Variants in FBRSL1 observed in about 807,000 individuals in gnomAD.
FBRSL1 encodes the protein fibrosin like 1.
In FBRSL1, 51 loss-of-function variants were observed where a neutral mutation model predicts 89.6. That is an observed-to-expected ratio of 0.57 (90% confidence interval 0.45 to 0.72). The LOEUF (loss-of-function observed/expected upper bound fraction) is 0.72. Ranked by LOEUF, FBRSL1 falls within the 30% of genes least tolerant of loss-of-function variation. The pLI, the probability that FBRSL1 is intolerant of heterozygous loss-of-function variation, is 0.00. For missense variants in FBRSL1, 1,618 were observed against 1,451.8 expected (o/e 1.11, Z -1.86); for synonymous variants, 779 against 681.1 (o/e 1.14, Z -2.24).
intron 2 of FBRSL1, chr12:132,510,814 A>G: frequency 9.0e-7 from 1 of 1,113,234 alleles, no homozygotes; most frequent in Non-Finnish European, 1.1e-6. Flanking sequence ...GAGGGCGGGG[A>G]CCTTGCTGGG....
Position 132,583,034 on chromosome 12 carries a change from C to G in FBRSL1, c.2265C>G (p.Pro755=). The change falls in exon 19 of 19, where the codon CCC becomes CCG. Residue 755 remains proline (P), a synonymous_variant. Transcript: ENST00000680143. ...CGCCCGCCACCCCCGCTGGCCACCC[C>G]GTCAGCGGCCTCCTGCTCCGGGCCC... is the stretch of plus-strand genomic sequence containing the variant. The part of the protein sequence containing the change: ...RASPATPAGH[P]VSGLLLRAQS... 7.6e-6 allele frequency: 11 copies of G among 1,455,858 alleles called. No individual in the cohort carries two copies. The highest frequency in any genetic ancestry group is 5.3e-5 in the South Asian group (4 of 75,642). 90.2% of individuals were successfully genotyped at this position (1,455,858 alleles called of 1,614,324 possible). A position where few individuals can be genotyped will look rare whatever the true frequency, so the allele number is the denominator to read the frequency against.
At chr12:132,531,002 G>GA (rs1249000414) in intron 4 of FBRSL1, among the ~76,000 whole-genome samples, 1 of 150,554 alleles carries the variant, frequency 6.6e-6, no homozygotes, top group Non-Finnish European at 1.5e-5. Flanking sequence ...TGTGGGGGGG[G>GA]GGGTGCAGGT....
intron 1 of FBRSL1, among the ~76,000 whole-genome samples, chr12:132,498,051 C>A (rs578194071): frequency 6.6e-5 from 10 of 152,212 alleles, no homozygotes; most frequent in Admixed American, 3.3e-4. Flanking sequence ...GGGCCCGTCA[C>A]AGCCTGGCTG....
chr12:132,516,475 G>A lies in FBRSL1; in HGVS notation c.489+8125G>A, dbSNP rs116065600. ...GCTGGGAACAGGCGTGAACCACCAC[G>A]CCCGGCTTAGATAATCTGAAGAGTC... On this transcript the variant is annotated intron_variant, in intron 2 of 18. Coordinates refer to ENST00000680143, the MANE Select transcript of FBRSL1 (RefSeq NM_001367871.1). Among the ~76,000 whole-genome samples the A allele has an allele frequency of 5.6e-3, 848 of 152,262 alleles. 10 individuals are homozygous for A. The highest frequency in any genetic ancestry group is 0.019 in the African/African-American group (786 of 41,538).
chr12:132,557,448 G>A (rs1311965212), intron 5 of FBRSL1, among the ~76,000 whole-genome samples: 2 of 152,178 alleles, frequency 1.3e-5, no homozygotes, highest in African/African-American at 2.4e-5. Context: ...CTGGTTCTGA[G>A]TCTAGTTTCA....
At chr12:132,567,344 C>G in intron 5 of FBRSL1, 137 bp from the exon 6 acceptor site, 1 of 768,150 alleles carries the variant, frequency 1.3e-6, no homozygotes, top group Non-Finnish European at 2.2e-6. Flanking sequence ...TCACCTCGTA[C>G]ACGGGGGCAT....
rs954622815 is a variant in FBRSL1 at position 132,581,748 on chromosome 12, C to G, written c.1920C>G (p.Phe640Leu). 1.9e-6 allele frequency: 3 copies of G among 1,550,040 alleles called. No homozygotes were observed. The highest frequency in any genetic ancestry group is 2.7e-5 in the African/African-American group (2 of 73,046). Residue 640 changes from phenylalanine to leucine, a missense_variant, in exon 17 of 19, where the codon TTC becomes TTG. Coordinates refer to ENST00000680143, the MANE Select transcript of FBRSL1 (RefSeq NM_001367871.1). ...FLPTGPLTDP[F>L]SRPSTFGGLG... ...CCGCGGTTGCCCCCACAGACCCTTT[C>G]AGCAGACCGAGCACCTTTGGGGGCC...
intron 1 of FBRSL1, chr12:132,507,456 C>T (rs1246009981): frequency 9.2e-6 from 9 of 981,044 alleles, no homozygotes; most frequent in African/African-American, 5.3e-5. Context: ...CGATGTCCAC[C>T]GGCAGGGCGG....
At chr12:132,560,648 G>A (rs998301042) in intron 5 of FBRSL1, among the ~76,000 whole-genome samples, 5 of 152,296 alleles carry the variant, frequency 3.3e-5, no homozygotes, top group South Asian at 4.1e-4. Context: ...TGCTCCGCGG[G>A]TCGGGTCCTC....
Position 132,508,312 on chromosome 12 carries a change from G to T in FBRSL1, c.451G>T (p.Asp151Tyr), listed in dbSNP as rs529711643. The change falls in exon 2 of 19, where the codon GAT becomes TAT. Residue 151 changes from aspartate (D) to tyrosine (Y), a missense_variant. Physicochemically the swap from Asp to Tyr is radical, Grantham distance 160. Coordinates refer to ENST00000680143, the MANE Select transcript of FBRSL1 (RefSeq NM_001367871.1). ...SPGQDLEPAC[D>Y]GARKVPLQPS... ...CGGGCAGGACCTCGAACCCGCCTGC[G>T]ATGGGGCGAGAAAGGTCCCACTGCA... 1 of 1,546,810 alleles carries T rather than the reference G, an allele frequency of 6.5e-7. No homozygotes were observed.
chr12:132,560,857 G>GT (rs1239738455), intron 5 of FBRSL1, among the ~76,000 whole-genome samples: 5 of 152,244 alleles, frequency 3.3e-5, no homozygotes, highest in Admixed American at 2.6e-4. Context: ...CTCGTGCCTG[G>GT]GTCACGTCCC....
intron 4 of FBRSL1, among the ~76,000 whole-genome samples, chr12:132,544,083 GC>G (rs939476555): frequency 1.3e-5 from 2 of 152,182 alleles, no homozygotes; most frequent in Non-Finnish European, 2.9e-5. Context: ...GGCAGAGCCT[GC>G]CCCCACGGCC....
At chr12:132,510,941 T>C in intron 2 of FBRSL1, 1 of 994,082 alleles carries the variant, frequency 1.0e-6, no homozygotes, top group Non-Finnish European at 1.2e-6. Flanking sequence ...GCCTGGTGTG[T>C]GCGTGCTGTG....
At chr12:132,556,414 C>G (rs182886695) in intron 5 of FBRSL1, among the ~76,000 whole-genome samples, 1 of 152,152 alleles carries the variant, frequency 6.6e-6, no homozygotes, top group African/African-American at 2.4e-5. Context: ...CTACCCCCCA[C>G]GCCACGACTC....
At chr12:132,492,780 G>C (rs750863101) in intron 1 of FBRSL1, among the ~76,000 whole-genome samples, 1 of 152,224 alleles carries the variant, frequency 6.6e-6, no homozygotes, top group Non-Finnish European at 1.5e-5. Flanking sequence ...GCACCCCAGG[G>C]TGGTTTCATG....
chr12:132,572,866 G>A (rs1056331033), intron 11 of FBRSL1, among the ~76,000 whole-genome samples: 1 of 152,234 alleles, frequency 6.6e-6, no homozygotes, highest in Non-Finnish European at 1.5e-5. Flanking sequence ...TGGTGGGACC[G>A]TGTGGAGAGC....
At chr12:132,561,140 T>C (rs115321626) in intron 5 of FBRSL1, among the ~76,000 whole-genome samples, 2,053 of 152,278 alleles carry the variant, frequency 0.013, 54 homozygotes, top group African/African-American at 0.046. Flanking sequence ...GTTCTCACTG[T>C]GAGGTGGAGG....
chr12:132,508,092 G>C, intron 1 of FBRSL1, 61 bp from the exon 2 acceptor site: 1 of 1,529,638 alleles, frequency 6.5e-7, no homozygotes. Flanking sequence ...GGTGGGTGCT[G>C]TCCTGGGCCC....
intron 4 of FBRSL1, among the ~76,000 whole-genome samples, chr12:132,543,344 C>T (rs2037423441): frequency 6.6e-6 from 1 of 152,186 alleles, no homozygotes. Context: ...CCAGGACCTG[C>T]CCACGCCGGG....
Sources: gnomAD v4.1 joint callset for allele counts (sites outside exome capture counted in the v4.1 genomes callset) on GRCh38, gnomAD v4.1.1 for gene constraint, MANE v1.5 for transcripts, NCBI Gene and HGNC (gene_info 2026-07-23, HGNC 2026-07-21) for gene names.